OR7G1: variants seen among roughly 807,000 people sequenced by gnomAD.
OR7G1 encodes the protein olfactory receptor 7G1.
For synonymous variants in OR7G1, 142 were observed against 138.5 expected, an observed-to-expected ratio of 1.02 and a Z score of -0.18; for missense variants, 385 against 365.6, an observed-to-expected ratio of 1.05 and a Z score of -0.43.
rs1367217529 is a variant in OR7G1 at position 9,115,505 on chromosome 19, C to T, written c.259G>A (p.Ala87Thr). The T allele has an allele frequency of 1.2e-6, 2 of 1,614,122 alleles. No homozygotes were observed. The highest frequency in any genetic ancestry group is 1.7e-6 in the Non-Finnish European group (2 of 1,180,018). ...GTGTAAGTGATACTCTGATTCTGAG[C>T]TTGGATGTTCACTAGGATCTTTGGG... ...TVPKILVNIQ[A>T]QNQSITYTGC... The change falls in exon 1 of 1, where the codon GCT (alanine) becomes ACT (threonine). Residue 87 changes from alanine to threonine, a missense_variant. Coordinates refer to ENST00000541538, the MANE Select transcript of OR7G1 (RefSeq NM_001005192.2).
In OR7G1 at chr19:9,115,328, G is replaced by T; in HGVS notation, c.436C>A (p.Leu146Ile). ...ATAGTGCTCATGAACATGGAGAGAAGAATCAGCAAGCCCCAGAAATGGACA... is the reference window on the plus strand; with the variant it reads ...ATAGTGCTCATGAACATGGAGAGAATAATCAGCAAGCCCCAGAAATGGACA... Reference protein sequence around the residue: ...MNVHFWGLLILLSMFMSTMDA... With the variant: ...MNVHFWGLLIILSMFMSTMDA... The change falls in exon 1 of 1, where the codon CTT (leucine) becomes ATT (isoleucine). Residue 146 changes from leucine to isoleucine, a missense_variant. Coordinates refer to ENST00000541538, the MANE Select transcript of OR7G1 (RefSeq NM_001005192.2). The T allele has an allele frequency of 6.2e-7, 1 of 1,614,146 alleles. No homozygotes were observed. The highest frequency in any genetic ancestry group is 8.5e-7 in the Non-Finnish European group (1 of 1,180,016).
chr19:9,115,581 G>T lies in OR7G1; in HGVS notation c.183C>A (p.Phe61Leu), dbSNP rs140228830. 1 of 1,614,150 alleles carries T rather than the reference G, an allele frequency of 6.2e-7. No individual in the cohort carries two copies. Among genetic ancestry groups the T allele is most frequent in the Admixed American group, 1.7e-5 (1 of 60,010 alleles). The change falls in exon 1 of 1, where the codon TTC (phenylalanine) becomes TTA (leucine). Residue 61 changes from phenylalanine to leucine, a missense_variant. By Grantham distance (22) the Phe-to-Leu change is conservative. Coordinates refer to ENST00000541538, the MANE Select transcript of OR7G1 (RefSeq NM_001005192.2). The part of the protein sequence containing the change: ...SDSHLHTPMY[F>L]LLFNLSFTDI... ...CAGTAAAGGAGAGATTAAAGAGAAGGAAGTACATGGGGGTGTGGAGGTGGG... is the reference window on the plus strand; with the variant it reads ...CAGTAAAGGAGAGATTAAAGAGAAGTAAGTACATGGGGGTGTGGAGGTGGG...
At position 9,114,848 on chromosome 19, in the gene OR7G1, C is replaced by T; in HGVS notation, c.916G>A (p.Gly306Ser). The change falls in exon 1 of 1, where the codon GGT becomes AGT. Residue 306 changes from glycine (G) to serine (S), a missense_variant. Gly to Ser is a moderately conservative substitution (Grantham distance 56, BLOSUM62 0). Transcript: ENST00000541538. ...EMKKALRKLI[G>S]RLFPF ...GATCGCTAAAAAGGAAACAGCCTAC[C>T]AATAAGTTTCCTCAAAGCTTTCTTC... The T allele has an allele frequency of 6.2e-7, 1 of 1,608,160 alleles. No individual in the cohort carries two copies.
rs573220590 is a variant in OR7G1, at chr19:9,115,465, T to C, written c.299A>G (p.Gln100Arg). Residue 100 changes from glutamine (Q) to arginine (R), a missense_variant, in exon 1 of 1, where the codon CAG becomes CGG. Gln to Arg is a conservative substitution (Grantham distance 43). Coordinates refer to ENST00000541538, the MANE Select transcript of OR7G1 (RefSeq NM_001005192.2). ...AGCAAAAACCAAGACAAGACAGATC[T>C]GGGTGAGGCAGCCTGTGTAAGTGAT... The part of the protein sequence containing the change: ...QSITYTGCLT[Q>R]ICLVLVFAGL... 2.5e-6 allele frequency: 4 copies of C among 1,614,080 alleles called. No individual in the cohort carries two copies. The highest frequency in any genetic ancestry group is 3.3e-5 in the Admixed American group (2 of 60,008).
At position 9,115,044 on chromosome 19, in the gene OR7G1, G is replaced by T. The variant is rs763192508; in HGVS notation, c.720C>A (p.Thr240=). ...SARGKYKAFS[T]CGCHLSVFSL... ...AAAAAACAGAGAGGTGACAGCCACA[G>T]GTGGAAAACGCTTTATACTTTCCTC... The change falls in exon 1 of 1, where the codon ACC becomes ACA. Residue 240 remains threonine (T), a synonymous_variant. Coordinates refer to ENST00000541538, the MANE Select transcript of OR7G1 (RefSeq NM_001005192.2). 6.2e-6 allele frequency: 10 copies of T among 1,613,990 alleles called. No individual in the cohort carries two copies. Among genetic ancestry groups the T allele is most frequent in the Non-Finnish European group, 8.5e-6 (10 of 1,180,000 alleles).
Position 9,115,237 on chromosome 19 carries a change from A to G in OR7G1, c.527T>C (p.Leu176Ser). 6.2e-7 allele frequency: 1 copy of G among 1,614,200 alleles called. No individual in the cohort carries two copies. The highest frequency in any genetic ancestry group is 8.5e-7 in the Non-Finnish European group (1 of 1,180,042). ...LSFCKNVEIP[L>S]FFCEVVQVIK... ...GACCTGAACGACTTCACAGAAGAAC[A>G]AAGGGATTTCAACGTTTTTGCAGAA... Residue 176 changes from leucine to serine, a missense_variant, in exon 1 of 1, where the codon TTG becomes TCG. By Grantham distance (145) the Leu-to-Ser change is moderately radical. Coordinates refer to ENST00000541538, the MANE Select transcript of OR7G1 (RefSeq NM_001005192.2).
rs540555469 is a variant in OR7G1 at position 9,115,324 on chromosome 19, A to G, written c.440T>C (p.Leu147Pro). The G allele has an allele frequency of 1.9e-6, 3 of 1,614,168 alleles. No individual in the cohort carries two copies. In the Admixed American group the frequency reaches 5.0e-5, roughly 27 times the overall value. Residue 147 changes from leucine (L) to proline (P), a missense_variant, in exon 1 of 1, where the codon CTC becomes CCC. Coordinates refer to ENST00000541538, the MANE Select transcript of OR7G1 (RefSeq NM_001005192.2). Reference protein sequence around the residue: ...NVHFWGLLILLSMFMSTMDAL... With the variant: ...NVHFWGLLILPSMFMSTMDAL... ...ATCCATAGTGCTCATGAACATGGAG[A>G]GAAGAATCAGCAAGCCCCAGAAATG...
Position 9,115,758 on chromosome 19 carries a change from T to A in OR7G1, c.6A>T (p.Gly2=), listed in dbSNP as rs1201805241. 6.6e-7 allele frequency: 1 copy of A among 1,525,388 alleles called. No homozygotes were observed. Among genetic ancestry groups the A allele is most frequent in the South Asian group, 1.3e-5 (1 of 75,822 alleles). The allele number at this position is 1,525,388 out of a possible 1,614,324, so 94.5% of individuals were successfully genotyped here. The part of the protein sequence containing the change: M[G]PRNQTAVSEF... The stretch of plus-strand genomic sequence containing the variant: ...CTGAAACAGCTGTTTGGTTTCTGGG[T>A]CCCATGTTTTTGATGATCAAAAAAT... Residue 2 remains glycine (G), a synonymous_variant, in exon 1 of 1, where the codon GGA becomes GGT. Coordinates refer to ENST00000541538, the MANE Select transcript of OR7G1 (RefSeq NM_001005192.2).
Position 9,114,873 on chromosome 19 carries a change from CA to C in OR7G1, c.890del (p.Met297ArgfsTer5), listed in dbSNP as rs569059536. 399 of 1,613,318 alleles carry C rather than the reference CA, an allele frequency of 2.5e-4. 4 individuals carry two copies. In the African/African-American group the frequency reaches 4.5e-3, roughly 18 times the overall value. On this transcript the variant is annotated frameshift_variant, in exon 1 of 1. Transcript: ENST00000541538. LOFTEE classifies it low-confidence loss of function (END_TRUNC). ...PFIYSLRNKE[M>X]KKALRKLIGR... ...CAATAAGTTTCCTCAAAGCTTTCTT[CA>C]TCTCCTTATTTCTCAGGCTGTAGAT...
chr19:9,115,646 G>A lies in OR7G1; in HGVS notation c.118C>T (p.Leu40=). 6.2e-7 allele frequency: 1 copy of A among 1,614,030 alleles called. No homozygotes were observed. The highest frequency in any genetic ancestry group is 8.5e-7 in the Non-Finnish European group (1 of 1,179,974). Residue 40 remains leucine (L), a synonymous_variant, in exon 1 of 1, where the codon CTG becomes TTG. Transcript: ENST00000541538. ...LFLSMYLVTI[L]GNLLILLAVI... ...GCCAGGAGAATGAGCAGGTTCCCCAGGATGGTGACCAGGTACATGGACAGG... is the reference window on the plus strand; with the variant it reads ...GCCAGGAGAATGAGCAGGTTCCCCAAGATGGTGACCAGGTACATGGACAGG...
At position 9,115,404 on chromosome 19, in the gene OR7G1, G is replaced by A. The variant is rs752287381; in HGVS notation, c.360C>T (p.Tyr120=). 17 of 1,613,970 alleles carry A rather than the reference G, an allele frequency of 1.1e-5. No homozygotes were observed. Among genetic ancestry groups the A allele is most frequent in the East Asian group, 2.2e-5 (1 of 44,900 alleles). Residue 120 remains tyrosine, a synonymous_variant, in exon 1 of 1, where the codon TAC becomes TAT. Transcript: ENST00000541538. The stretch of plus-strand genomic sequence containing the variant: ...GGTGGCAAATGGCCACATAGCGGTC[G>A]TAGGCCATGACTGCAAGAAAGCAAC... ...LESCFLAVMA[Y]DRYVAICHPL...
chr19:9,115,154 T>C lies in OR7G1; in HGVS notation c.610A>G (p.Ser204Gly). ...GAGAGAGGAATTGCACCAAATACAC[T>C]ACTTGCAAAATATATGAGGATGTTG... ...INNILIYFAS[S>G]VFGAIPLSGI... The change falls in exon 1 of 1, where the codon AGT becomes GGT. Residue 204 changes from serine to glycine, a missense_variant. Coordinates refer to ENST00000541538, the MANE Select transcript of OR7G1 (RefSeq NM_001005192.2). 6.2e-7 allele frequency: 1 copy of C among 1,613,956 alleles called. No individual in the cohort carries two copies. Among genetic ancestry groups the C allele is most frequent in the Non-Finnish European group, 8.5e-7 (1 of 1,179,848 alleles).
chr19:9,115,668 C>G lies in OR7G1; in HGVS notation c.96G>C (p.Leu32=). 6.2e-7 allele frequency: 1 copy of G among 1,613,600 alleles called. No homozygotes were observed. Among genetic ancestry groups the G allele is most frequent in the South Asian group, 1.1e-5 (1 of 90,960 alleles). The part of the protein sequence containing the change: ...ELKLIPFSLF[L]SMYLVTILGN... ...CCAGGATGGTGACCAGGTACATGGA[C>G]AGGAACAGGCTGAAAGGGATTAACT... is the stretch of plus-strand genomic sequence containing the variant. The change falls in exon 1 of 1, where the codon CTG becomes CTC. Residue 32 remains leucine, a synonymous_variant. Coordinates refer to ENST00000541538, the MANE Select transcript of OR7G1 (RefSeq NM_001005192.2).
At position 9,115,121 on chromosome 19, in the gene OR7G1, T is replaced by C; in HGVS notation, c.643A>G (p.Ile215Val). The change falls in exon 1 of 1, where the codon ATT becomes GTT. Residue 215 changes from isoleucine to valine, a missense_variant. By Grantham distance (29) the Ile-to-Val change is conservative. Transcript: ENST00000541538. Reference sequence around the variant, plus strand: ...GTGACTATTTGAGAATAAGAGAAAATTATTCCAGAGAGAGGAATTGCACCA... The same window carrying C: ...GTGACTATTTGAGAATAAGAGAAAACTATTCCAGAGAGAGGAATTGCACCA... The part of the protein sequence containing the change: ...VFGAIPLSGI[I>V]FSYSQIVTSV... 8 of 1,614,062 alleles carry C rather than the reference T, an allele frequency of 5.0e-6. No individual in the cohort carries two copies. Among genetic ancestry groups the C allele is most frequent in the African/African-American group, 1.3e-5 (1 of 75,016 alleles).
Position 9,115,206 on chromosome 19 carries a change from C to T in OR7G1, c.558G>A (p.Lys186=). ...LFFCEVVQVI[K]LACSDTLINN... ...TGATGAGGGTGTCAGAACAGGCGAG[C>T]TTGATGACCTGAACGACTTCACAGA... The change falls in exon 1 of 1, where the codon AAG becomes AAA. Residue 186 remains lysine (K), a synonymous_variant. Transcript: ENST00000541538. 1.2e-6 allele frequency: 2 copies of T among 1,614,134 alleles called. No homozygotes were observed. The highest frequency in any genetic ancestry group is 1.3e-5 in the African/African-American group (1 of 75,044).
Position 9,115,660 on chromosome 19 carries a change from T to C in OR7G1, c.104A>G (p.Tyr35Cys), listed in dbSNP as rs746218748. 4.3e-6 allele frequency: 7 copies of C among 1,613,778 alleles called. No homozygotes were observed. The East Asian group carries it at 1.3e-4, about 31-fold the overall frequency. Residue 35 changes from tyrosine to cysteine, a missense_variant, in exon 1 of 1, where the codon TAC becomes TGC. Tyr to Cys is a radical substitution (Grantham distance 194). Coordinates refer to ENST00000541538, the MANE Select transcript of OR7G1 (RefSeq NM_001005192.2). The stretch of plus-strand genomic sequence containing the variant: ...CAGGTTCCCCAGGATGGTGACCAGG[T>C]ACATGGACAGGAACAGGCTGAAAGG... The part of the protein sequence containing the change: ...LIPFSLFLSM[Y>C]LVTILGNLLI...
In OR7G1 at chr19:9,115,142, C is replaced by T. The variant is rs1345218797; in HGVS notation, c.622G>A (p.Ala208Thr). ...LIYFASSVFG[A>T]IPLSGIIFSY... is the part of the protein sequence containing the mutation. ...AAAATTATTCCAGAGAGAGGAATTG[C>T]ACCAAATACACTACTTGCAAAATAT... The change falls in exon 1 of 1, where the codon GCA becomes ACA. Residue 208 changes from alanine (A) to threonine (T), a missense_variant. By Grantham distance (58) the Ala-to-Thr change is moderately conservative. Transcript: ENST00000541538. The T allele has an allele frequency of 3.7e-6, 6 of 1,613,910 alleles. No homozygotes were observed. The highest frequency in any genetic ancestry group is 3.3e-5 in the Admixed American group (2 of 59,984).
rs1222278820 is a variant in OR7G1, at chr19:9,114,850, A to C, written c.914T>G (p.Ile305Ser). 3.7e-6 allele frequency: 6 copies of C among 1,609,296 alleles called. No homozygotes were observed. Among genetic ancestry groups the C allele is most frequent in the Non-Finnish European group, 5.1e-6 (6 of 1,177,530 alleles). Reference protein sequence around the residue: ...KEMKKALRKLIGRLFPF With the variant: ...KEMKKALRKLSGRLFPF ...TCGCTAAAAAGGAAACAGCCTACCA[A>C]TAAGTTTCCTCAAAGCTTTCTTCAT... Residue 305 changes from isoleucine (I) to serine (S), a missense_variant, in exon 1 of 1, where the codon ATT becomes AGT. Physicochemically the swap from Ile to Ser is moderately radical, Grantham distance 142 (BLOSUM62 -2). Coordinates refer to ENST00000541538, the MANE Select transcript of OR7G1 (RefSeq NM_001005192.2).
Position 9,115,202 on chromosome 19 carries a change from C to T in OR7G1, c.562G>A (p.Ala188Thr), listed in dbSNP as rs533432203. The T allele has an allele frequency of 9.3e-6, 15 of 1,614,072 alleles. No individual in the cohort carries two copies. Among genetic ancestry groups the T allele is most frequent in the Middle Eastern group, 1.6e-4 (1 of 6,062 alleles). Reference sequence around the variant, plus strand: ...TTGTTGATGAGGGTGTCAGAACAGGCGAGCTTGATGACCTGAACGACTTCA... The same window carrying T: ...TTGTTGATGAGGGTGTCAGAACAGGTGAGCTTGATGACCTGAACGACTTCA... ...FCEVVQVIKL[A>T]CSDTLINNIL... is the part of the protein sequence containing the mutation. The change falls in exon 1 of 1, where the codon GCC becomes ACC. Residue 188 changes from alanine (A) to threonine (T), a missense_variant. Ala to Thr is a moderately conservative substitution (Grantham distance 58, BLOSUM62 0). Coordinates refer to ENST00000541538, the MANE Select transcript of OR7G1 (RefSeq NM_001005192.2).
Sources: allele counts gnomAD v4.1 joint callset, GRCh38; gene constraint gnomAD v4.1.1; transcripts MANE v1.5; gene names NCBI Gene and HGNC (gene_info 2026-07-23, HGNC 2026-07-21).